The following NEK11 variants were observed in gnomAD, a reference collection of about 807,000 sequenced individuals.
NEK11 encodes the protein NIMA related kinase 11.
NEK11 carries 72 observed loss-of-function variants against 80.7 expected under a neutral mutation model. The observed-to-expected ratio is 0.89, with a 90% CI of 0.74 to 1.08. The LOEUF is 1.08. Ranked by LOEUF, NEK11 falls within the 50% of genes least tolerant of loss-of-function variation. NEK11 has a pLI of 0.00. For missense variants in NEK11, 764 were observed against 763.6 expected (o/e 1.00, Z -0.01); for synonymous variants, 251 against 260.7 (o/e 0.96, Z 0.36).
At chr3:131,205,428 T>C (rs535215624) in intron 14 of NEK11, among the ~76,000 whole-genome samples, 1 of 152,094 alleles carries the variant, frequency 6.6e-6, no homozygotes, top group East Asian at 1.9e-4. Flanking sequence ...AGGAATCAAG[T>C]GTCAGGAAAA....
At chr3:131,058,822 G>A (rs1309813109) in intron 3 of NEK11, among the ~76,000 whole-genome samples, 5 of 152,156 alleles carry the variant, frequency 3.3e-5, no homozygotes, top group South Asian at 2.1e-4. Context: ...TGGGTAACAG[G>A]AATTATCCCT....
At chr3:131,265,122 G>T (rs531357667) in intron 16 of NEK11, among the ~76,000 whole-genome samples, 1 of 152,146 alleles carries the variant, frequency 6.6e-6, no homozygotes, top group African/African-American at 2.4e-5. Context: ...GGGCTGAGAC[G>T]AGGGGGTTTT....
intron 17 of NEK11, among the ~76,000 whole-genome samples, chr3:131,343,543 T>C (rs76392478): frequency 0.054 from 8,250 of 152,240 alleles, 725 homozygotes; most frequent in African/African-American, 0.19. Context: ...CACACTGCCC[T>C]AGTAGAGTAT....
intron 17 of NEK11, among the ~76,000 whole-genome samples, chr3:131,303,899 T>G (rs2096692191): frequency 6.6e-6 from 1 of 152,208 alleles, no homozygotes; most frequent in South Asian, 2.1e-4. Flanking sequence ...TTGGCCTCTC[T>G]AGCAAGGTGG....
At chr3:131,321,838 A>G (rs1356489371) in intron 17 of NEK11, among the ~76,000 whole-genome samples, 1 of 152,176 alleles carries the variant, frequency 6.6e-6, no homozygotes, top group African/African-American at 2.4e-5. Context: ...ATCAAAAAAC[A>G]ACAGATGCTA....
chr3:131,185,433 C>T (rs1349060054), intron 14 of NEK11, among the ~76,000 whole-genome samples: 2 of 152,092 alleles, frequency 1.3e-5, no homozygotes, highest in African/African-American at 4.8e-5. Context: ...GAGACAGCCT[C>T]ATTCAGCCCA....
chr3:131,261,703 C>T (rs2095924031), intron 16 of NEK11, among the ~76,000 whole-genome samples: 1 of 152,108 alleles, frequency 6.6e-6, no homozygotes, highest in Admixed American at 6.6e-5. Context: ...TTTGCATGCC[C>T]CATACATAGT....
chr3:131,201,081 A>G (rs1045770294), intron 14 of NEK11, among the ~76,000 whole-genome samples: 17 of 152,082 alleles, frequency 1.1e-4, no homozygotes, highest in Admixed American at 8.5e-4. Flanking sequence ...TCTTGTAGAC[A>G]TGATATAACT....
At chr3:131,330,930 G>T (rs558142328) in intron 17 of NEK11, 2 of 143,266 alleles carry the variant, frequency 1.4e-5, no homozygotes, top group Admixed American at 1.4e-4. Context: ...GAAGGAAGGG[G>T]GGGGGGCAAA....
chr3:131,042,221 T>C (rs576989806), intron 3 of NEK11, among the ~76,000 whole-genome samples: 2 of 151,692 alleles, frequency 1.3e-5, no homozygotes, highest in East Asian at 1.9e-4. Flanking sequence ...GTTTTTTTTT[T>C]CCCTGTATCC....
intron 17 of NEK11, among the ~76,000 whole-genome samples, chr3:131,283,728 T>C (rs1477593774): frequency 2.0e-5 from 3 of 152,162 alleles, no homozygotes; most frequent in Non-Finnish European, 4.4e-5. Context: ...CAACATTCCC[T>C]TTTTAAAATA....
chr3:131,118,700 G>C (rs1342252779), intron 5 of NEK11, among the ~76,000 whole-genome samples: 1 of 152,138 alleles, frequency 6.6e-6, no homozygotes, highest in Non-Finnish European at 1.5e-5. Context: ...TTTAGTCTTG[G>C]GAGGGTGTAT....
At chr3:131,298,426 A>C (rs917603121) in intron 17 of NEK11, among the ~76,000 whole-genome samples, 2 of 152,196 alleles carry the variant, frequency 1.3e-5, no homozygotes, top group African/African-American at 4.8e-5. Context: ...TCTTTGAAGC[A>C]ATTGTGAATG....
intron 16 of NEK11, among the ~76,000 whole-genome samples, chr3:131,243,738 G>T (rs919526677): frequency 2.6e-5 from 4 of 152,072 alleles, no homozygotes; most frequent in Non-Finnish European, 4.4e-5. Context: ...GTGGTCCCTT[G>T]TGATCAAATG....
intron 14 of NEK11, among the ~76,000 whole-genome samples, chr3:131,180,258 A>G (rs889638640): frequency 6.6e-6 from 1 of 152,216 alleles, no homozygotes; most frequent in African/African-American, 2.4e-5. Flanking sequence ...GTGCCCAAGG[A>G]GGAGAGAATC....
intron 7 of NEK11, among the ~76,000 whole-genome samples, chr3:131,151,441 CA>C (rs539463737): frequency 6.6e-6 from 1 of 151,994 alleles, no homozygotes; most frequent in South Asian, 2.1e-4. Context: ...TGAGTACCCA[CA>C]AAATAGTTCA....
chr3:131,276,769 C>T (rs564596029), intron 17 of NEK11, among the ~76,000 whole-genome samples: 4 of 152,138 alleles, frequency 2.6e-5, no homozygotes, highest in Admixed American at 2.0e-4. Flanking sequence ...TGATTGAATT[C>T]AGGAAATTTC....
intron 15 of NEK11, among the ~76,000 whole-genome samples, chr3:131,229,038 T>G (rs73870816): frequency 2.0e-5 from 3 of 152,324 alleles, no homozygotes; most frequent in African/African-American, 7.2e-5. Flanking sequence ...TGGCACTTTT[T>G]ATATACTTTT....
intron 3 of NEK11, among the ~76,000 whole-genome samples, chr3:131,050,505 T>G (rs369945477): frequency 1.3e-5 from 2 of 152,226 alleles, no homozygotes; most frequent in Admixed American, 1.3e-4. Flanking sequence ...TATGACACCG[T>G]TGGTTTATTA....
Sources: allele counts gnomAD v4.1 joint callset (sites outside exome capture counted in the v4.1 genomes callset), GRCh38; gene constraint gnomAD v4.1.1; transcripts MANE v1.5; gene names NCBI Gene and HGNC (gene_info 2026-07-23, HGNC 2026-07-21).